VAV2: variants seen among roughly 807,000 people sequenced by gnomAD.
VAV2 encodes the protein guanine nucleotide exchange factor VAV2.
VAV2 carries 67 observed loss-of-function variants against 132.5 expected under a neutral mutation model. The ratio of observed to expected loss-of-function variants is 0.51; its 90% CI spans 0.42 to 0.62. VAV2 has a LOEUF of 0.62. Ranked by LOEUF, VAV2 falls within the 20% of genes least tolerant of loss-of-function variation. The probability of loss-of-function intolerance (pLI) is 0.00; values close to 1 mark genes in which losing one functional copy is unlikely to be tolerated. For synonymous variants in VAV2, 492 were observed against 443.5 expected (o/e 1.11, Z -1.37); for missense variants, 938 against 1,153.6 (o/e 0.81, Z 2.71).
intron 1 of VAV2, among the ~76,000 whole-genome samples, chr9:133,985,112 C>T (rs1842814774): frequency 6.6e-6 from 1 of 152,064 alleles, no homozygotes; most frequent in African/African-American, 2.4e-5. Flanking sequence ...GAGACACATA[C>T]ATAAATAAAT....
intron 1 of VAV2, among the ~76,000 whole-genome samples, chr9:133,982,862 A>C (rs1450635282): frequency 6.6e-6 from 1 of 152,272 alleles, no homozygotes; most frequent in Non-Finnish European, 1.5e-5. Context: ...AATAAATTTC[A>C]TGGGAGCATT....
chr9:133,905,612 C>A (rs1839621525), intron 2 of VAV2, among the ~76,000 whole-genome samples: 1 of 152,094 alleles, frequency 6.6e-6, no homozygotes, highest in Admixed American at 6.5e-5. Flanking sequence ...GAGACTGAAG[C>A]AGCACAGAAA....
At position 133,898,962 on chromosome 9, in the gene VAV2, C is replaced by T. The variant is rs922250191; in HGVS notation, c.322-37530G>A. ...TCAGCCTCCCCAATAGCTGGGACTACAGGCACCCGCCACCACGCCCGGCTA... is the reference window on the plus strand; with the variant it reads ...TCAGCCTCCCCAATAGCTGGGACTATAGGCACCCGCCACCACGCCCGGCTA... On this transcript the variant is annotated intron_variant, in intron 2 of 29. Transcript: ENST00000371850. Among the ~76,000 whole-genome samples the T allele has an allele frequency of 2.3e-4, 35 of 151,934 alleles. 1 individual carries two copies. Among genetic ancestry groups the T allele is most frequent in the Non-Finnish European group, 4.7e-4 (32 of 67,998 alleles).
Position 133,762,528 on chromosome 9 carries a change from G to C in VAV2, c.*1534C>G. The C allele has an allele frequency of 6.6e-6, 1 of 152,308 alleles. No homozygotes were observed. Among genetic ancestry groups the C allele is most frequent in the East Asian group, 1.9e-4 (1 of 5,196 alleles). The allele number at this position is 152,308 out of a possible 1,614,324, so 9.4% of individuals were successfully genotyped here. A position where few individuals can be genotyped will look rare whatever the true frequency, so the allele number is the denominator to read the frequency against. On this transcript the variant is annotated 3_prime_UTR_variant, in exon 30 of 30. Coordinates refer to ENST00000371850, the MANE Select transcript of VAV2 (RefSeq NM_001134398.2). This position sits in a 1 kb window ranked among gnomAD's most constrained non-coding sequence, Gnocchi z 5.0. ...CTCCGCGCCTGCTGGGCCGCAGGTC[G>C]CAAAGTGCTGGGTGTACCCCGACAC...
At chr9:133,855,464 G>A (rs1383959713) in intron 3 of VAV2, among the ~76,000 whole-genome samples, 4 of 152,232 alleles carry the variant, frequency 2.6e-5, no homozygotes, top group Admixed American at 6.5e-5. Context: ...CAAGGCACGG[G>A]GTTCCAGTGC....
chr9:133,797,237 C>A (rs1245217643), intron 10 of VAV2, among the ~76,000 whole-genome samples: 1 of 148,974 alleles, frequency 6.7e-6, no homozygotes, highest in Non-Finnish European at 1.5e-5. Flanking sequence ...GGGTGGGTGG[C>A]CCCACAGTTC....
At chr9:133,970,186 C>T (rs1206832234) in intron 1 of VAV2, among the ~76,000 whole-genome samples, 2 of 152,182 alleles carry the variant, frequency 1.3e-5, no homozygotes, top group African/African-American at 2.4e-5. Flanking sequence ...TCTCCCTTGC[C>T]CCAAGGGCCA....
At chr9:133,917,441 C>CCT (rs1840134847) in intron 2 of VAV2, among the ~76,000 whole-genome samples, 1 of 132,610 alleles carries the variant, frequency 7.5e-6, no homozygotes, top group African/African-American at 3.3e-5. Flanking sequence ...AAAACTCTTT[C>CCT]TTTTTTTTTT....
intron 6 of VAV2, 63 bp from the exon 7 acceptor site, chr9:133,809,201 C>A: frequency 7.0e-7 from 1 of 1,420,084 alleles, no homozygotes; most frequent in Non-Finnish European, 9.9e-7. Context: ...ACCTGCACAT[C>A]TGCACCGCGA....
intron 2 of VAV2, among the ~76,000 whole-genome samples, chr9:133,897,139 A>G (rs1207777098): frequency 6.6e-6 from 1 of 152,170 alleles, no homozygotes; most frequent in Non-Finnish European, 1.5e-5. Context: ...GTGAGAACGC[A>G]GCACTAGGAA....
chr9:133,771,913 C>T lies in VAV2; in HGVS notation c.2223+46G>A, dbSNP rs761341497. On this transcript the variant is annotated intron_variant, in intron 26 of 29. Coordinates refer to ENST00000371850, the MANE Select transcript of VAV2 (RefSeq NM_001134398.2). ...CTCAGGGCCGGGAGGAAGCACCTGT[C>T]CCCTGTGGCTGGGGTGGGAGCCGGC... 1.3e-5 allele frequency: 20 copies of T among 1,555,096 alleles called. No homozygotes were observed. In the African/African-American group the frequency reaches 2.2e-4, roughly 17 times the overall value.
Position 133,863,634 on chromosome 9 carries a change from TGGA to T in VAV2, c.322-2205_322-2203del, listed in dbSNP as rs1837687363. 1.3e-5 allele frequency among the ~76,000 whole-genome samples: 2 copies of T among 152,192 alleles called. No individual in the cohort carries two copies. Among genetic ancestry groups the T allele is most frequent in the South Asian group, 4.1e-4 (2 of 4,830 alleles). ...GTCACGAGCAGCTGATGAAGGGCTC[TGGA>T]GGGCCTGCAGCATCGATGGGGCAGC... On this transcript the variant is annotated intron_variant, in intron 2 of 29. Transcript: ENST00000371850. The surrounding 1 kb of genome is among the most constrained non-coding windows in gnomAD (Gnocchi z 5.0).
intron 2 of VAV2, among the ~76,000 whole-genome samples, chr9:133,915,374 C>A (rs1840039937): frequency 6.6e-6 from 1 of 152,358 alleles, no homozygotes; most frequent in East Asian, 1.9e-4. Context: ...TCAGCACGAT[C>A]TGGCGTTCTA....
chr9:133,901,935 G>A (rs549384476), intron 2 of VAV2, among the ~76,000 whole-genome samples: 4 of 152,252 alleles, frequency 2.6e-5, no homozygotes, highest in East Asian at 1.9e-4. Context: ...ATGGGCCGAC[G>A]TCCCTACCAT....
intron 1 of VAV2, among the ~76,000 whole-genome samples, chr9:133,946,084 G>T (rs1261155737): frequency 6.6e-6 from 1 of 152,244 alleles, no homozygotes. Context: ...TGGCAGGGGG[G>T]TTGGGGTGCC....
chr9:133,855,837 ACCCCTGT>A (rs1837363291), intron 3 of VAV2, among the ~76,000 whole-genome samples: 1 of 151,216 alleles, frequency 6.6e-6, no homozygotes, highest in South Asian at 2.1e-4. Flanking sequence ...CCTCAGCCTG[ACCCCTGT>A]CCCCTGCCTT....
intron 1 of VAV2, among the ~76,000 whole-genome samples, chr9:133,960,045 C>T (rs952809574): frequency 6.6e-6 from 1 of 152,228 alleles, no homozygotes; most frequent in African/African-American, 2.4e-5. Flanking sequence ...TGCCCCCAAA[C>T]CTTACAACCG....
At chr9:133,945,578 C>A (rs373770758) in intron 1 of VAV2, among the ~76,000 whole-genome samples, 2 of 152,224 alleles carry the variant, frequency 1.3e-5, no homozygotes, top group African/African-American at 4.8e-5. Flanking sequence ...CAGGCCCATG[C>A]CCGGGAAAGT....
chr9:133,834,483 T>C lies in VAV2; in HGVS notation c.381-143A>G. On this transcript the variant is annotated intron_variant, in intron 3 of 29. Coordinates refer to ENST00000371850, the MANE Select transcript of VAV2 (RefSeq NM_001134398.2). The surrounding 1 kb of genome is among the most constrained non-coding windows in gnomAD (Gnocchi z 5.9). ...GTCCACTCTCTGGAAGGACACAGGG[T>C]GCGCGGACACTGATCGGAGTCACAG... The C allele has an allele frequency of 1.2e-6, 1 of 827,092 alleles. No homozygotes were observed. Among genetic ancestry groups the C allele is most frequent in the Non-Finnish European group, 1.9e-6 (1 of 529,856 alleles). 51.2% of individuals were successfully genotyped at this position (827,092 alleles called of 1,614,324 possible).
Sources: gnomAD v4.1 joint callset for allele counts (sites outside exome capture counted in the v4.1 genomes callset) on GRCh38, gnomAD v4.1.1 for gene constraint, Gnocchi (gnomAD v3.1) non-coding constraint, MANE v1.5 for transcripts, NCBI Gene and HGNC (gene_info 2026-07-23, HGNC 2026-07-21) for gene names.